CENPI: variants seen among roughly 807,000 people sequenced by gnomAD.
The protein encoded by CENPI is FSH primary response 1.
In CENPI, 4 loss-of-function variants were observed where a neutral mutation model predicts 60.4. That is an observed-to-expected ratio of 0.07 (90% CI 0.03 to 0.15). The LOEUF (loss-of-function observed/expected upper bound fraction) is 0.15, where lower values mean the gene tolerates loss of function less well. Among genes scored for constraint, CENPI ranks in the 10% least tolerant of loss-of-function variants. The pLI, the probability that CENPI is intolerant of heterozygous loss-of-function variation, is 1.00. For missense variants in CENPI, 444 were observed against 534.5 expected, an observed-to-expected ratio of 0.83 and a Z score of 1.67; for synonymous variants, 157 against 189.4, an observed-to-expected ratio of 0.83 and a Z score of 1.40.
In CENPI at chrX:101,109,992, T is replaced by C. The variant is rs2089535898; in HGVS notation, c.585T>C (p.Asp195=). ...YGFFFASLQD[D]ALCPYVCHLL... Reference sequence around the variant, plus strand: ...TCTTTTTTGCTTCATTGCAAGATGATGCACTGGTAAGTAAAAATTGGACAG... The same window carrying C: ...TCTTTTTTGCTTCATTGCAAGATGACGCACTGGTAAGTAAAAATTGGACAG... The change falls in exon 6 of 22, where the codon GAT becomes GAC. Residue 195 remains aspartate, a synonymous_variant. Transcript: ENST00000682095. The C allele has an allele frequency of 8.6e-7, 1 of 1,160,057 alleles. No homozygotes were observed. Among genetic ancestry groups the C allele is most frequent in the African/African-American group, 1.8e-5 (1 of 56,340 alleles).
At chrX:101,122,989 G>A (rs890927991) in intron 8 of CENPI, among the ~76,000 whole-genome samples, 4 of 112,449 alleles carry the variant, frequency 3.6e-5, no homozygotes, top group Non-Finnish European at 5.6e-5. Flanking sequence ...AATTTATAAC[G>A]GAGACACTAA....
Position 101,164,778 on chromosome X carries a change from T to C in CENPI, c.*1811T>C, listed in dbSNP as rs779742211. On this transcript the variant is annotated 3_prime_UTR_variant, in exon 22 of 22. Coordinates refer to ENST00000682095, the MANE Select transcript of CENPI (RefSeq NM_001386188.2). Reference sequence around the variant, plus strand: ...TTTTTTGTATCTTTTGAGATTATCATATGGCTTTTGTCCTTCATTCTGTTA... The same window carrying C: ...TTTTTTGTATCTTTTGAGATTATCACATGGCTTTTGTCCTTCATTCTGTTA... 8.9e-6 allele frequency among the ~76,000 whole-genome samples: 1 copy of C among 112,873 alleles called. No homozygotes were observed. Among genetic ancestry groups the C allele is most frequent in the South Asian group, 3.6e-4 (1 of 2,747 alleles).
intron 6 of CENPI, among the ~76,000 whole-genome samples, chrX:101,115,709 A>G (rs1052215858): frequency 5.4e-5 from 6 of 111,746 alleles, no homozygotes; most frequent in African/African-American, 2.0e-4. Context: ...CATTGACATG[A>G]ATTACATTCA....
At chrX:101,117,271 G>A (rs947208684) in intron 6 of CENPI, among the ~76,000 whole-genome samples, 3 of 111,591 alleles carry the variant, frequency 2.7e-5, no homozygotes, top group Non-Finnish European at 3.8e-5. Context: ...CGCGATCTTG[G>A]CTCATCGCAA....
intron 4 of CENPI, among the ~76,000 whole-genome samples, chrX:101,103,535 T>G (rs2089447473): frequency 9.1e-6 from 1 of 109,814 alleles, no homozygotes; most frequent in East Asian, 2.9e-4. Context: ...GAGATGGGGT[T>G]TCTCCATGTT....
chrX:101,151,276 A>G (rs2090003856), intron 20 of CENPI, among the ~76,000 whole-genome samples: 1 of 111,557 alleles, frequency 9.0e-6, no homozygotes, highest in Non-Finnish European at 1.9e-5. Context: ...AGAGTTCCCA[A>G]TTTTGGAAAA....
downstream of CENPI, among the ~76,000 whole-genome samples, chrX:101,169,789 T>C (rs1442773231): frequency 9.0e-6 from 1 of 111,367 alleles, no homozygotes; most frequent in Non-Finnish European, 1.9e-5. Flanking sequence ...ACAGTGATAT[T>C]GATGATCCTG....
At chrX:101,104,299 A>G (rs1298478878) in intron 4 of CENPI, among the ~76,000 whole-genome samples, 2 of 112,576 alleles carry the variant, frequency 1.8e-5, no homozygotes, top group Non-Finnish European at 3.7e-5. Context: ...TTGTGCAAAT[A>G]TCTTTTCCTG....
At chrX:101,156,371 G>A (rs1569504130) in intron 20 of CENPI, among the ~76,000 whole-genome samples, 1 of 112,089 alleles carries the variant, frequency 8.9e-6, no homozygotes, top group African/African-American at 3.2e-5. Flanking sequence ...GCAGTCCTGT[G>A]AGGTTGTAAG....
Position 101,132,291 on chromosome X carries a change from T to C in CENPI, c.1389T>C (p.Pro463=), listed in dbSNP as rs2089803069. Residue 463 remains proline, a synonymous_variant, in exon 14 of 22, where the codon CCT becomes CCC. Transcript: ENST00000682095. The part of the protein sequence containing the change: ...SQFLQLVSWI[P]FSSFSEVKPL... Reference sequence around the variant, plus strand: ...TCCTTCAGCTTGTGAGCTGGATTCCTTTTAGTAGCTTCTCTGGTATGTATC... The same window carrying C: ...TCCTTCAGCTTGTGAGCTGGATTCCCTTTAGTAGCTTCTCTGGTATGTATC... The C allele has an allele frequency of 8.3e-7, 1 of 1,199,928 alleles. No individual in the cohort carries two copies. The highest frequency in any genetic ancestry group is 1.8e-5 in the African/African-American group (1 of 57,109).
chrX:101,177,648 T>G, the CENPI span, among the ~76,000 whole-genome samples: 1 of 112,046 alleles, frequency 8.9e-6, no homozygotes, highest in African/African-American at 3.2e-5. Flanking sequence ...TTGGTAGCAG[T>G]CATATGCAGG....
At chrX:101,111,891 G>A (rs1208363267) in intron 6 of CENPI, among the ~76,000 whole-genome samples, 2 of 111,267 alleles carry the variant, frequency 1.8e-5, no homozygotes, top group African/African-American at 6.5e-5. Context: ...AATTAGCTGG[G>A]CATGGTGGCA....
At chrX:101,174,995 T>C in the CENPI span, among the ~76,000 whole-genome samples, 1 of 110,692 alleles carries the variant, frequency 9.0e-6, no homozygotes, top group Non-Finnish European at 1.9e-5. Flanking sequence ...TAATCCCAGC[T>C]ACTCGGGAGG....
At chrX:101,131,524 G>A (rs1305047096) in intron 13 of CENPI, among the ~76,000 whole-genome samples, 1 of 111,784 alleles carries the variant, frequency 8.9e-6, no homozygotes, top group South Asian at 3.7e-4. Flanking sequence ...TATCCAGTAC[G>A]CAGTAAAATA....
chrX:101,126,081 G>A (rs2089732514), intron 8 of CENPI, among the ~76,000 whole-genome samples: 1 of 112,028 alleles, frequency 8.9e-6, no homozygotes, highest in Admixed American at 9.5e-5. Flanking sequence ...TGCAGTATTC[G>A]ATTCAATAAA....
Position 101,132,221 on chromosome X carries a change from A to G in CENPI, c.1319A>G (p.Tyr440Cys). 1 of 1,208,533 alleles carries G rather than the reference A, an allele frequency of 8.3e-7. No homozygotes were observed. The highest frequency in any genetic ancestry group is 1.1e-6 in the Non-Finnish European group (1 of 893,772). ...EGFYSCEAFL[Y>C]KSLPLWDGLC... ...TTTTATTCCTGTGAAGCATTCCTGTATAAGAGCCTTCCTCTCTGGGATGGC... is the reference window on the plus strand; with the variant it reads ...TTTTATTCCTGTGAAGCATTCCTGTGTAAGAGCCTTCCTCTCTGGGATGGC... The change falls in exon 14 of 22, where the codon TAT (tyrosine) becomes TGT (cysteine). Residue 440 changes from tyrosine to cysteine, a missense_variant. Tyr to Cys is a radical substitution (Grantham distance 194). Transcript: ENST00000682095.
Position 101,128,710 on chromosome X carries a change from T to C in CENPI, c.1075-6T>C. 1 of 1,204,106 alleles carries C rather than the reference T, an allele frequency of 8.3e-7. No homozygotes were observed. The highest frequency in any genetic ancestry group is 1.1e-6 in the Non-Finnish European group (1 of 890,216). ...TAACTGTTGATCGGTTGTTCTGTCA[T>C]TGCAGCTGCCTTCTCAGATGGGCTC... is the stretch of plus-strand genomic sequence containing the variant. On this transcript the variant is annotated splice_region_variant and splice_polypyrimidine_tract_variant and intron_variant, in intron 11 of 21. Transcript: ENST00000682095.
rs777790665 is a variant in CENPI at position 101,102,855 on chromosome X, A to ATT, written c.364+459_364+460dup. 2.2e-3 allele frequency among the ~76,000 whole-genome samples: 180 copies of ATT among 81,476 alleles called. 1 individual carries two copies. The highest frequency in any genetic ancestry group is 9.2e-3 in the East Asian group (23 of 2,493). The allele number at this position is 81,476 out of a possible 115,157, so 70.8% of individuals were successfully genotyped here. On this transcript the variant is annotated intron_variant, in intron 4 of 21. Coordinates refer to ENST00000682095, the MANE Select transcript of CENPI (RefSeq NM_001386188.2). ...CCACCACACCTGGCTAATTTTTTGT[A>ATT]TTTTTTTTTTTTTTTTAGTAGGGAC...
Position 101,127,163 on chromosome X carries a change from T to A in CENPI, c.803T>A (p.Leu268Gln). Reference protein sequence around the residue: ...KKIYFKNSENLWKTALLAVKQ... With the variant: ...KKIYFKNSENQWKTALLAVKQ... ...ATATATTTTAAGAATTCAGAGAATC[T>A]ATGGAAGACGGCTCTGCTTGCCGTG... is the stretch of plus-strand genomic sequence containing the variant. Residue 268 changes from leucine to glutamine, a missense_variant, in exon 10 of 22, where the codon CTA (leucine) becomes CAA (glutamine). By Grantham distance (113) the Leu-to-Gln change is moderately radical. Transcript: ENST00000682095. 8.4e-7 allele frequency: 1 copy of A among 1,186,882 alleles called. No individual in the cohort carries two copies. Among genetic ancestry groups the A allele is most frequent in the Non-Finnish European group, 1.1e-6 (1 of 883,575 alleles).
Sources: allele counts gnomAD v4.1 joint callset (sites outside exome capture counted in the v4.1 genomes callset), GRCh38; gene constraint gnomAD v4.1.1; transcripts MANE v1.5; gene names NCBI Gene and HGNC (gene_info 2026-07-23, HGNC 2026-07-21).